SLC5A12: variants seen among roughly 807,000 people sequenced by gnomAD.
SLC5A12 encodes sodium-coupled monocarboxylate transporter 2.
SLC5A12 carries 46 observed loss-of-function variants against 72.7 expected under a neutral mutation model. That is an observed-to-expected ratio of 0.63 (90% CI 0.50 to 0.81). SLC5A12 has a LOEUF of 0.81. SLC5A12 is among the 30% of genes least tolerant of loss of function. The pLI is 0.00. For missense variants in SLC5A12, 683 were observed against 740.7 expected, an observed-to-expected ratio of 0.92 and a Z score of 0.90; for synonymous variants, 275 against 264.4, an observed-to-expected ratio of 1.04 and a Z score of -0.39.
chr11:26,710,948 A>G (rs988817441), intron 3 of SLC5A12, among the ~76,000 whole-genome samples: 11 of 152,100 alleles, frequency 7.2e-5, no homozygotes, highest in Non-Finnish European at 1.3e-4. Flanking sequence ...TACTGAGATT[A>G]TCTACTTCAT....
chr11:26,673,361 T>C (rs767323979), intron 14 of SLC5A12, 41 bp downstream of exon 14: 5 of 1,471,414 alleles, frequency 3.4e-6, no homozygotes, highest in East Asian at 5.0e-5. Context: ...GGAATCCCTT[T>C]GAGTCCATAC....
intron 9 of SLC5A12, among the ~76,000 whole-genome samples, chr11:26,687,473 C>A (rs912937516): frequency 6.6e-6 from 1 of 152,084 alleles, no homozygotes; most frequent in Non-Finnish European, 1.5e-5. Flanking sequence ...TTATTGAATA[C>A]CAACCATAGA....
At chr11:26,679,479 T>A (rs1854340340) in intron 12 of SLC5A12, among the ~76,000 whole-genome samples, 1 of 151,930 alleles carries the variant, frequency 6.6e-6, no homozygotes, top group African/African-American at 2.4e-5. Context: ...GGAAAGAAAA[T>A]GAAACTCAAA....
intron 9 of SLC5A12, 86 bp from the exon 10 acceptor site, chr11:26,686,630 C>T: frequency 8.4e-7 from 1 of 1,185,442 alleles, no homozygotes; most frequent in Non-Finnish European, 1.2e-6. Flanking sequence ...AGAACTGTCT[C>T]TGATCCAAGC....
rs781170575 is a variant in SLC5A12 at position 26,686,527 on chromosome 11, T to A, written c.1171A>T (p.Met391Leu). 15 of 1,613,804 alleles carry A rather than the reference T, an allele frequency of 9.3e-6. No individual in the cohort carries two copies. Among genetic ancestry groups the A allele is most frequent in the Non-Finnish European group, 1.3e-5 (15 of 1,179,908 alleles). ...SKGLCLLFGV[M>L]CTSMAVAASV... is the part of the protein sequence containing the mutation. ...GCAGCCACAGCCATAGAGGTACACA[T>A]CACGCCAAATAAGAGACCTGAAAGA... The change falls in exon 10 of 15, where the codon ATG becomes TTG. Residue 391 changes from methionine (M) to leucine (L), a missense_variant. Met to Leu is a conservative substitution (Grantham distance 15, BLOSUM62 2). Coordinates refer to ENST00000396005, the MANE Select transcript of SLC5A12 (RefSeq NM_178498.4).
At chr11:26,710,383 A>G (rs1233337702) in intron 3 of SLC5A12, among the ~76,000 whole-genome samples, 2 of 152,130 alleles carry the variant, frequency 1.3e-5, no homozygotes, top group Admixed American at 6.6e-5. Flanking sequence ...CATACCCAGT[A>G]ATGGGATGCT....
At chr11:26,697,320 G>C in intron 7 of SLC5A12, 68 bp from the exon 8 acceptor site, 30 of 1,371,202 alleles carry the variant, frequency 2.2e-5, no homozygotes, top group Non-Finnish European at 2.8e-5. Context: ...AGAGAAGAGA[G>C]AGAAAAAAAT....
At chr11:26,699,952 T>A (rs549996384) in intron 6 of SLC5A12, among the ~76,000 whole-genome samples, 4 of 152,350 alleles carry the variant, frequency 2.6e-5, no homozygotes, top group Non-Finnish European at 5.9e-5. Context: ...GTAGAAATTC[T>A]TTACTACATA....
intron 13 of SLC5A12, 91 bp from the exon 14 acceptor site, chr11:26,673,620 G>A (rs12279306): frequency 0.077 from 110,267 of 1,426,588 alleles, 5,666 homozygotes; most frequent in African/African-American, 0.26. Context: ...AAAGTAGGTT[G>A]CTTTTTAGAA....
Position 26,715,945 on chromosome 11 carries a change from A to G in SLC5A12, c.340-3239T>C, listed in dbSNP as rs1371930388. Among the ~76,000 whole-genome samples the G allele has an allele frequency of 5.3e-5, 8 of 152,206 alleles. 1 individual carries two copies. In the South Asian group the frequency reaches 1.7e-3, roughly 32 times the overall value. On this transcript the variant is annotated intron_variant, in intron 1 of 14. Transcript: ENST00000396005. ...CCAGGCAAAATTGTTAATCTGCAGA[A>G]TTGTGAAAAACTAAAATTGTTATTT...
intron 9 of SLC5A12, among the ~76,000 whole-genome samples, chr11:26,691,208 A>G (rs1052599694): frequency 1.3e-5 from 2 of 152,152 alleles, no homozygotes; most frequent in Non-Finnish European, 2.9e-5. Context: ...ATCAAAAGAC[A>G]TAAATTAAAG....
intron 9 of SLC5A12, among the ~76,000 whole-genome samples, chr11:26,689,537 G>A (rs904960441): frequency 1.3e-5 from 2 of 152,072 alleles, no homozygotes; most frequent in Admixed American, 1.3e-4. Flanking sequence ...AATGACTAGA[G>A]AAGGCATAGG....
At chr11:26,719,529 T>G (rs2133228403) in intron 1 of SLC5A12, among the ~76,000 whole-genome samples, 1 of 152,186 alleles carries the variant, frequency 6.6e-6, no homozygotes, top group African/African-American at 2.4e-5. Context: ...CTCCCATCTC[T>G]TTGATCTTAT....
intron 13 of SLC5A12, 28 bp downstream of exon 13, chr11:26,678,684 A>G: frequency 6.5e-7 from 1 of 1,528,702 alleles, no homozygotes; most frequent in Non-Finnish European, 9.0e-7. Flanking sequence ...TATCTTCTTT[A>G]GTCCCAAAGG....
chr11:26,673,206 C>G (rs1316003687), intron 14 of SLC5A12, among the ~76,000 whole-genome samples, 196 bp downstream of exon 14: 2 of 152,172 alleles, frequency 1.3e-5, no homozygotes, highest in Non-Finnish European at 2.9e-5. Context: ...CTACAAGGCA[C>G]TTTTACCTAT....
chr11:26,714,995 C>T (rs927185503), intron 1 of SLC5A12, among the ~76,000 whole-genome samples: 2 of 147,336 alleles, frequency 1.4e-5, no homozygotes, highest in African/African-American at 4.9e-5. Context: ...AGTGAGGAGT[C>T]AGCAGTCACA....
In SLC5A12 at chr11:26,674,493, G is replaced by A. The variant is rs113344506; in HGVS notation, c.1580-964C>T. 6.5e-3 allele frequency among the ~76,000 whole-genome samples: 991 copies of A among 152,084 alleles called. 11 individuals carry two copies. The highest frequency in any genetic ancestry group is 0.023 in the African/African-American group (947 of 41,510). ...CGGCTCAATGCAACCTCCGTCTCCC[G>A]GGTTCAAGTGATTCTCCTGCCTCAG... On this transcript the variant is annotated intron_variant, in intron 13 of 14. Coordinates refer to ENST00000396005, the MANE Select transcript of SLC5A12 (RefSeq NM_178498.4).
chr11:26,721,741 T>C lies in SLC5A12; in HGVS notation c.-27A>G. ...TTGGAAAGTATGACACCAGAGAGTT[T>C]CTTTCAACGAGGTCTCAGGAAGAAG... On this transcript the variant is annotated 5_prime_UTR_variant, in exon 1 of 15. Coordinates refer to ENST00000396005, the MANE Select transcript of SLC5A12 (RefSeq NM_178498.4). 1 of 1,588,988 alleles carries C rather than the reference T, an allele frequency of 6.3e-7. No homozygotes were observed. Among genetic ancestry groups the C allele is most frequent in the Middle Eastern group, 1.7e-4 (1 of 5,894 alleles).
chr11:26,713,549 T>A (rs147042612), intron 1 of SLC5A12, among the ~76,000 whole-genome samples: 1 of 152,098 alleles, frequency 6.6e-6, no homozygotes, highest in East Asian at 1.9e-4. Context: ...AAGACTTAGA[T>A]CATTGATGAA....
Sources: gnomAD v4.1 joint callset for allele counts (sites outside exome capture counted in the v4.1 genomes callset) on GRCh38, gnomAD v4.1.1 for gene constraint, MANE v1.5 for transcripts, NCBI Gene and HGNC (gene_info 2026-07-23, HGNC 2026-07-21) for gene names.